The following FAM47A variants were observed in gnomAD, a reference collection of about 807,000 sequenced individuals.
FAM47A encodes the protein family with sequence similarity 47 member A.
FAM47A carries 1 observed loss-of-function variant against 2.6 expected under a neutral mutation model. The observed-to-expected ratio is 0.39, with a 90% CI of 0.14 to 1.83. The LOEUF (loss-of-function observed/expected upper bound fraction) is 1.83, where lower values mean the gene tolerates loss of function less well. Ranked by LOEUF, FAM47A falls within the 40% of genes most tolerant of loss-of-function variation. FAM47A has a pLI of 0.32. For synonymous variants in FAM47A, 278 were observed against 270.1 expected (o/e 1.03, Z -0.29); for missense variants, 657 against 673.1 (o/e 0.98, Z 0.26).
rs773093765 is a variant in FAM47A, at chrX:34,131,250, C to A, written c.1029G>T (p.Lys343Asn). Residue 343 changes from lysine (K) to asparagine (N), a missense_variant, in exon 1 of 1, where the codon AAG becomes AAT. Lys to Asn is a moderately conservative substitution (Grantham distance 94). Coordinates refer to ENST00000346193, the MANE Select transcript of FAM47A (RefSeq NM_203408.4). Reference sequence around the variant, plus strand: ...AGCGGAGACTGGACCCCCGACGAGTCTTGGAATGCTCTAGGCGGAGATGGG... The same window carrying A: ...AGCGGAGACTGGACCCCCGACGAGTATTGGAATGCTCTAGGCGGAGATGGG... ...GESHLRLEHSKTRRGSSLRSE... is the reference protein window; with the variant it reads ...GESHLRLEHSNTRRGSSLRSE... 1.7e-6 allele frequency: 2 copies of A among 1,208,397 alleles called. No individual in the cohort carries two copies. Among genetic ancestry groups the A allele is most frequent in the South Asian group, 3.5e-5 (2 of 56,775 alleles).
At position 34,132,185 on chromosome X, in the gene FAM47A, T is replaced by A; in HGVS notation, c.94A>T (p.Lys32Ter). 1 of 1,210,614 alleles carries A rather than the reference T, an allele frequency of 8.3e-7. No homozygotes were observed. The highest frequency in any genetic ancestry group is 1.8e-5 in the South Asian group (1 of 56,861). Reference protein sequence around the residue: ...CNKRPSKCFAKCKHRRLRFPP... With the variant: ...CNKRPSKCFA ...AACCTCAGGCGCCTGTGCTTGCACT[T>A]CGCGAAGCACTTGGAAGGCCGTTTG... Residue 32 changes from lysine (K) to a stop codon, truncating the protein, a stop_gained, in exon 1 of 1, where the codon AAG becomes TAG. Transcript: ENST00000346193. LOFTEE classifies it low-confidence loss of function (END_TRUNC).
chrX:34,131,511 C>T lies in FAM47A; in HGVS notation c.768G>A (p.Arg256=), dbSNP rs768143589. The change falls in exon 1 of 1, where the codon CGG becomes CGA. Residue 256 remains arginine, a synonymous_variant. Transcript: ENST00000346193. ...GCAGCTGTCGTAGGAGACTGGATCT[C>T]CGACGAGTGATGGGAGGCCCCGGGC... ...HIRPGPPITR[R]RSSLLRQLLK... is the part of the protein sequence containing the mutation. 2.7e-5 allele frequency: 32 copies of T among 1,204,894 alleles called. No individual in the cohort carries two copies. In the East Asian group the frequency reaches 9.6e-4, roughly 36 times the overall value.
Position 34,131,415 on chromosome X carries a change from G to A in FAM47A, c.864C>T (p.Asp288=), listed in dbSNP as rs375410896. 17 of 1,205,796 alleles carry A rather than the reference G, an allele frequency of 1.4e-5. No homozygotes were observed. The highest frequency in any genetic ancestry group is 1.8e-5 in the Non-Finnish European group (16 of 893,957). The change falls in exon 1 of 1, where the codon GAC becomes GAT. Residue 288 remains aspartate (D), a synonymous_variant. Coordinates refer to ENST00000346193, the MANE Select transcript of FAM47A (RefSeq NM_203408.4). ...GGTATTTACCAGGCTCTGTGGGTTC[G>A]TCAGTTGTCTTCTCCCGGCCCTCAC... The part of the protein sequence containing the change: ...APCEGREKTT[D]EPTEPGKYPC...
At position 34,130,192 on chromosome X, in the gene FAM47A, C is replaced by T; in HGVS notation, c.2087G>A (p.Gly696Glu). ...CAACTTAGGCTTGAGGTACCATGCT[C>T]CATACTTCATCTTCACACGCTGTGC... is the stretch of plus-strand genomic sequence containing the variant. ...YTAQRVKMKY[G>E]AWYLKPKLWK... Residue 696 changes from glycine to glutamate, a missense_variant, in exon 1 of 1, where the codon GGA becomes GAA. Physicochemically the swap from Gly to Glu is moderately conservative, Grantham distance 98. Coordinates refer to ENST00000346193, the MANE Select transcript of FAM47A (RefSeq NM_203408.4). 1 of 1,212,029 alleles carries T rather than the reference C, an allele frequency of 8.3e-7. No homozygotes were observed. The highest frequency in any genetic ancestry group is 1.1e-6 in the Non-Finnish European group (1 of 895,620).
At position 34,131,219 on chromosome X, in the gene FAM47A, G is replaced by T; in HGVS notation, c.1060C>A (p.Pro354Thr). 5.0e-6 allele frequency: 6 copies of T among 1,210,029 alleles called. No homozygotes were observed. In the South Asian group the frequency reaches 1.1e-4, roughly 21 times the overall value. ...AGACGGGACACTCCAGTCTCGGAAG[G>T]CTCCGAGCGGAGACTGGACCCCCGA... ...TRRGSSLRSEPSETGVSRLRL... is the reference protein window; with the variant it reads ...TRRGSSLRSETSETGVSRLRL... The change falls in exon 1 of 1, where the codon CCT becomes ACT. Residue 354 changes from proline to threonine, a missense_variant. Around this residue, in one of 3 missense-constraint regions of FAM47A, gnomAD observed 436 missense variants for 414.1 expected, o/e 1.05. Coordinates refer to ENST00000346193, the MANE Select transcript of FAM47A (RefSeq NM_203408.4).
Position 34,131,421 on chromosome X carries a change from T to G in FAM47A, c.858A>C (p.Thr286=), listed in dbSNP as rs376779401. The G allele has an allele frequency of 7.0e-5, 85 of 1,206,937 alleles. No individual in the cohort carries two copies. The highest frequency in any genetic ancestry group is 9.2e-5 in the Non-Finnish European group (82 of 894,390). ...ARAPCEGREK[T]TDEPTEPGKY... is the part of the protein sequence containing the mutation. ...TACCAGGCTCTGTGGGTTCGTCAGTTGTCTTCTCCCGGCCCTCACAAGGAG... is the reference window on the plus strand; with the variant it reads ...TACCAGGCTCTGTGGGTTCGTCAGTGGTCTTCTCCCGGCCCTCACAAGGAG... Residue 286 remains threonine (T), a synonymous_variant, in exon 1 of 1, where the codon ACA becomes ACC. Transcript: ENST00000346193.
In FAM47A at chrX:34,131,597, G is replaced by T; in HGVS notation, c.682C>A (p.Pro228Thr). The T allele has an allele frequency of 1.7e-6, 2 of 1,208,372 alleles. No individual in the cohort carries two copies. The highest frequency in any genetic ancestry group is 2.2e-6 in the Non-Finnish European group (2 of 893,900). Residue 228 changes from proline to threonine, a missense_variant, in exon 1 of 1, where the codon CCT becomes ACT. Transcript: ENST00000346193. Reference sequence around the variant, plus strand: ...CGGAGATGGGACACTCCAGTCTCAGGAGGCTCCGGGCGGAGACTGGACACC... The same window carrying T: ...CGGAGATGGGACACTCCAGTCTCAGTAGGCTCCGGGCGGAGACTGGACACC... ...TPVSSLRPEPPETGVSHLRPE... is the reference protein window; with the variant it reads ...TPVSSLRPEPTETGVSHLRPE...
At position 34,131,710 on chromosome X, in the gene FAM47A, T is replaced by A. The variant is rs1325137868; in HGVS notation, c.569A>T (p.Lys190Met). 8.3e-7 allele frequency: 1 copy of A among 1,208,098 alleles called. No homozygotes were observed. The highest frequency in any genetic ancestry group is 1.1e-6 in the Non-Finnish European group (1 of 893,974). Residue 190 changes from lysine (K) to methionine (M), a missense_variant, in exon 1 of 1, where the codon AAG becomes ATG. Physicochemically the swap from Lys to Met is moderately conservative, Grantham distance 95. Transcript: ENST00000346193. ...ATGGGACACCGGAGTCTCGGGAGGC[T>A]TCAGGCAGAATTCCCCACAGGGATG... is the stretch of plus-strand genomic sequence containing the variant. Reference protein sequence around the residue: ...GKHPCGEFCLKPPETPVSHLL... With the variant: ...GKHPCGEFCLMPPETPVSHLL...
In FAM47A at chrX:34,131,059, C is replaced by A. The variant is rs774431832; in HGVS notation, c.1220G>T (p.Gly407Val). Residue 407 changes from glycine (G) to valine (V), a missense_variant, in exon 1 of 1, where the codon GGA becomes GTA. Physicochemically the swap from Gly to Val is moderately radical, Grantham distance 109. This residue lies in a region of FAM47A where 436 missense variants were observed against 414.1 expected (regional missense o/e 1.05). Coordinates refer to ENST00000346193, the MANE Select transcript of FAM47A (RefSeq NM_203408.4). ...AGGTTCCAGGCGGAGATGGCACACT[C>A]CAGTCTTGGGAGGCACTGGGTGGAG... ...SHLHPVPPKT[G>V]VCHLRLEPPD... is the part of the protein sequence containing the mutation. 1.5e-5 allele frequency: 18 copies of A among 1,190,785 alleles called. No individual in the cohort carries two copies. The highest frequency in any genetic ancestry group is 2.4e-4 in the Middle Eastern group (1 of 4,251).
At position 34,132,104 on chromosome X, in the gene FAM47A, G is replaced by A. The variant is rs778243689; in HGVS notation, c.175C>T (p.Arg59Cys). The A allele has an allele frequency of 8.3e-7, 1 of 1,210,822 alleles. No individual in the cohort carries two copies. ...TCTTCGGGAGACGGACAGCCGTAGC[G>A]GAAGTCGTCCATGCCCTCCTTCACA... ...VFVKEGMDDFRYGCPSPEDTL... is the reference protein window; with the variant it reads ...VFVKEGMDDFCYGCPSPEDTL... The change falls in exon 1 of 1, where the codon CGC becomes TGC. Residue 59 changes from arginine (R) to cysteine (C), a missense_variant. Around this residue, in one of 3 missense-constraint regions of FAM47A, gnomAD observed 436 missense variants for 414.1 expected, o/e 1.05. Coordinates refer to ENST00000346193, the MANE Select transcript of FAM47A (RefSeq NM_203408.4).
chrX:34,130,243 A>T lies in FAM47A; in HGVS notation c.2036T>A (p.Phe679Tyr), dbSNP rs759342985. The part of the protein sequence containing the change: ...FSQEKYWGRK[F>Y]HTPSNSYTAQ... The stretch of plus-strand genomic sequence containing the variant: ...GGTATAAGAATTCGATGGCGTGTGG[A>T]ATTTCCTGCCCCAGTATTTTTCCTG... Residue 679 changes from phenylalanine (F) to tyrosine (Y), a missense_variant, in exon 1 of 1, where the codon TTC becomes TAC. Around this residue, in one of 3 missense-constraint regions of FAM47A, gnomAD observed 198 missense variants for 203.4 expected, o/e 0.97. Transcript: ENST00000346193. 1 of 1,210,785 alleles carries T rather than the reference A, an allele frequency of 8.3e-7. No individual in the cohort carries two copies. Among genetic ancestry groups the T allele is most frequent in the Non-Finnish European group, 1.1e-6 (1 of 895,068 alleles).
chrX:34,132,035 A>T lies in FAM47A; in HGVS notation c.244T>A (p.Ser82Thr). 8.3e-7 allele frequency: 1 copy of T among 1,210,631 alleles called. No individual in the cohort carries two copies. Among genetic ancestry groups the T allele is most frequent in the South Asian group, 1.8e-5 (1 of 56,885 alleles). The stretch of plus-strand genomic sequence containing the variant: ...GGGTCAGCTTGGGGACCTCTGAGAG[A>T]TATTTTGGGGAGTAAAAACTCGTCA... ...RRDEFLLPKI[S>T]LRGPQADPKS... The change falls in exon 1 of 1, where the codon TCT (serine) becomes ACT (threonine). Residue 82 changes from serine to threonine, a missense_variant. By Grantham distance (58) the Ser-to-Thr change is moderately conservative. Transcript: ENST00000346193.
At position 34,131,782 on chromosome X, in the gene FAM47A, C is replaced by G; in HGVS notation, c.497G>C (p.Cys166Ser). Residue 166 changes from cysteine to serine, a missense_variant, in exon 1 of 1, where the codon TGT (cysteine) becomes TCT (serine). This residue lies in a region of FAM47A where 436 missense variants were observed against 414.1 expected (regional missense o/e 1.05). Coordinates refer to ENST00000346193, the MANE Select transcript of FAM47A (RefSeq NM_203408.4). ...CTCTGTTGTCTTCTCCTGGGTCTCA[C>G]AACAAGCCCAAGCGTCCTCCAGCTC... ...ERELEDAWAC[C>S]ETQEKTTEVP... 1 of 1,210,752 alleles carries G rather than the reference C, an allele frequency of 8.3e-7. No homozygotes were observed. The highest frequency in any genetic ancestry group is 1.1e-6 in the Non-Finnish European group (1 of 895,132).
rs751327452 is a variant in FAM47A, at chrX:34,131,782, C to T, written c.497G>A (p.Cys166Tyr). The T allele has an allele frequency of 8.3e-7, 1 of 1,210,752 alleles. No individual in the cohort carries two copies. Among genetic ancestry groups the T allele is most frequent in the Admixed American group, 2.2e-5 (1 of 45,952 alleles). The change falls in exon 1 of 1, where the codon TGT (cysteine) becomes TAT (tyrosine). Residue 166 changes from cysteine to tyrosine, a missense_variant. This residue lies in a region of FAM47A where 436 missense variants were observed against 414.1 expected (regional missense o/e 1.05). Coordinates refer to ENST00000346193, the MANE Select transcript of FAM47A (RefSeq NM_203408.4). ...CTCTGTTGTCTTCTCCTGGGTCTCA[C>T]AACAAGCCCAAGCGTCCTCCAGCTC... is the stretch of plus-strand genomic sequence containing the variant. ...ERELEDAWAC[C>Y]ETQEKTTEVP...
rs369143353 is a variant in FAM47A, at chrX:34,131,303, G to A, written c.976C>T (p.Arg326Cys). ...TCTCCAGTCTCCGGAGGCTCCGGGC[G>A]GAGACTGGACACCGGAGTCTTGGGA... is the stretch of plus-strand genomic sequence containing the variant. ...EPPKTPVSSL[R>C]PEPPETGESH... The change falls in exon 1 of 1, where the codon CGC becomes TGC. Residue 326 changes from arginine (R) to cysteine (C), a missense_variant. This residue lies in a region of FAM47A where 436 missense variants were observed against 414.1 expected (regional missense o/e 1.05). Transcript: ENST00000346193. 1.1e-5 allele frequency: 13 copies of A among 1,208,748 alleles called. No individual in the cohort carries two copies. Among genetic ancestry groups the A allele is most frequent in the African/African-American group, 1.8e-5 (1 of 56,776 alleles).
Position 34,130,591 on chromosome X carries a change from G to A in FAM47A, c.1688C>T (p.Ala563Val), listed in dbSNP as rs1227153937. 8.3e-7 allele frequency: 1 copy of A among 1,209,185 alleles called. No homozygotes were observed. The highest frequency in any genetic ancestry group is 3.0e-5 in the East Asian group (1 of 33,716). ...VSSLHPEPPK[A>V]PESHQFSEPP... ...CTCCGAGAATTGATGGGACTCTGGA[G>A]CTTTGGGAGGCTCCGGGTGGAGACT... The change falls in exon 1 of 1, where the codon GCT (alanine) becomes GTT (valine). Residue 563 changes from alanine to valine, a missense_variant. By Grantham distance (64) the Ala-to-Val change is moderately conservative (BLOSUM62 0). Transcript: ENST00000346193.
rs766019811 is a variant in FAM47A at position 34,132,163 on chromosome X, C to T, written c.116G>A (p.Arg39Lys). ...GTTCTGGGTGTCCATGGGTGGGAAC[C>T]TCAGGCGCCTGTGCTTGCACTTCGC... ...CFAKCKHRRL[R>K]FPPMDTQNWV... Residue 39 changes from arginine (R) to lysine (K), a missense_variant, in exon 1 of 1, where the codon AGG (arginine) becomes AAG (lysine). By Grantham distance (26) the Arg-to-Lys change is conservative. This residue lies in a region of FAM47A where 436 missense variants were observed against 414.1 expected (regional missense o/e 1.05). Coordinates refer to ENST00000346193, the MANE Select transcript of FAM47A (RefSeq NM_203408.4). 2.5e-6 allele frequency: 3 copies of T among 1,211,539 alleles called. No homozygotes were observed. The highest frequency in any genetic ancestry group is 5.9e-5 in the East Asian group (2 of 33,809).
chrX:34,130,284 C>T lies in FAM47A; in HGVS notation c.1995G>A (p.Glu665=). 8.3e-7 allele frequency: 1 copy of T among 1,209,832 alleles called. No homozygotes were observed. The highest frequency in any genetic ancestry group is 1.7e-5 in the African/African-American group (1 of 57,677). The change falls in exon 1 of 1, where the codon GAG becomes GAA. Residue 665 remains glutamate (E), a synonymous_variant. Coordinates refer to ENST00000346193, the MANE Select transcript of FAM47A (RefSeq NM_203408.4). ...KYSMELDEKD[E]DKFFSQEKYW... ...ATTTTTCCTGTGAGAAGAATTTGTCCTCATCCTTTTCATCTAGCTCCATGC... is the reference window on the plus strand; with the variant it reads ...ATTTTTCCTGTGAGAAGAATTTGTCTTCATCCTTTTCATCTAGCTCCATGC...
chrX:34,132,115 A>T lies in FAM47A; in HGVS notation c.164T>A (p.Met55Lys). 8.3e-7 allele frequency: 1 copy of T among 1,211,248 alleles called. No homozygotes were observed. Among genetic ancestry groups the T allele is most frequent in the Non-Finnish European group, 1.1e-6 (1 of 895,362 alleles). The change falls in exon 1 of 1, where the codon ATG becomes AAG. Residue 55 changes from methionine to lysine, a missense_variant. Met to Lys is a moderately conservative substitution (Grantham distance 95). Transcript: ENST00000346193. ...CGGACAGCCGTAGCGGAAGTCGTCC[A>T]TGCCCTCCTTCACAAATACCCAGTT... ...TQNWVFVKEG[M>K]DDFRYGCPSP...
Sources: gnomAD v4.1 joint callset for allele counts on GRCh38, gnomAD v4.1.1 for gene constraint, gnomAD v4.1.1 regional missense constraint, MANE v1.5 for transcripts, NCBI Gene and HGNC (gene_info 2026-07-23, HGNC 2026-07-21) for gene names.